Variants in PPP3CB observed in about 807,000 individuals in gnomAD.
PPP3CB encodes protein phosphatase 3 catalytic subunit beta, also known as serine/threonine-protein phosphatase 2B catalytic subunit beta isoform.
Under a neutral mutation model 66.4 loss-of-function variants are expected in PPP3CB, and 8 were observed. The ratio of observed to expected loss-of-function variants is 0.12; its 90% CI spans 0.07 to 0.22. PPP3CB has a LOEUF of 0.22. PPP3CB is among the 10% of genes least tolerant of loss of function. PPP3CB has a pLI of 1.00. For synonymous variants in PPP3CB, 208 were observed against 221.2 expected, an observed-to-expected ratio of 0.94 and a Z score of 0.53; for missense variants, 319 against 642.5, an observed-to-expected ratio of 0.50 and a Z score of 5.44.
At chr10:73,467,494 T>C (rs2056636362) in intron 9 of PPP3CB, 59 bp downstream of exon 9, 1 of 1,319,426 alleles carries the variant, frequency 7.6e-7, no homozygotes, top group Admixed American at 3.2e-5. Context: ...CCTATGATAG[T>C]AAACTGGAGT....
chr10:73,479,246 AG>A, intron 2 of PPP3CB, 70 bp downstream of exon 2: 1 of 1,334,800 alleles, frequency 7.5e-7, no homozygotes, highest in Non-Finnish European at 1.1e-6. Context: ...CATTGAAAAC[AG>A]TAAGTTGTAA....
intron 9 of PPP3CB, among the ~76,000 whole-genome samples, chr10:73,458,056 C>T (rs904701038): frequency 1.3e-5 from 2 of 152,164 alleles, no homozygotes; most frequent in Admixed American, 1.3e-4. Flanking sequence ...CACTAAAAGC[C>T]TTGACTTCAC....
intron 8 of PPP3CB, 35 bp from the exon 9 acceptor site, chr10:73,467,713 A>G (rs1354872151): frequency 8.8e-6 from 13 of 1,473,702 alleles, no homozygotes; most frequent in East Asian, 2.4e-5. Context: ...AACTTAATAG[A>G]TAAGTAACTA....
intron 9 of PPP3CB, among the ~76,000 whole-genome samples, chr10:73,465,451 C>T (rs1214491781): frequency 6.6e-6 from 1 of 152,060 alleles, no homozygotes; most frequent in African/African-American, 2.4e-5. Context: ...AATCTCAGTG[C>T]TTTACAAGCC....
chr10:73,490,732 C>T (rs1275573547), intron 1 of PPP3CB, among the ~76,000 whole-genome samples: 1 of 152,146 alleles, frequency 6.6e-6, no homozygotes, highest in African/African-American at 2.4e-5. Context: ...AGTGTTCCCT[C>T]TCCCTCTCCC....
chr10:73,474,626 G>C (rs2056759706), intron 4 of PPP3CB, among the ~76,000 whole-genome samples: 1 of 151,060 alleles, frequency 6.6e-6, no homozygotes, highest in African/African-American at 2.4e-5. Context: ...TTTTGGTGGA[G>C]ATGGGGTTTC....
At chr10:73,476,024 GTT>G (rs903948557) in intron 3 of PPP3CB, among the ~76,000 whole-genome samples, 4 of 137,492 alleles carry the variant, frequency 2.9e-5, no homozygotes, top group Non-Finnish European at 3.2e-5. Flanking sequence ...GCCCAGCTAA[GTT>G]TTTTTTTTTT....
intron 9 of PPP3CB, among the ~76,000 whole-genome samples, chr10:73,460,680 C>T (rs1354962009): frequency 1.3e-5 from 2 of 152,164 alleles, no homozygotes; most frequent in Non-Finnish European, 2.9e-5. Context: ...GGAAGCAGCC[C>T]ATCCCATCAT....
chr10:73,486,805 A>G (rs1369980945), intron 1 of PPP3CB, among the ~76,000 whole-genome samples: 1 of 152,162 alleles, frequency 6.6e-6, no homozygotes, highest in Non-Finnish European at 1.5e-5. Flanking sequence ...CTCTCCACTA[A>G]GGGAAAAAAA....
intron 12 of PPP3CB, chr10:73,443,887 T>C (rs1452338124): frequency 2.0e-5 from 3 of 152,264 alleles, no homozygotes; most frequent in Non-Finnish European, 4.4e-5. Flanking sequence ...CAACCCCTTA[T>C]AACAATGACT....
At chr10:73,479,618 A>T (rs543316535) in intron 1 of PPP3CB, 101 bp from the exon 2 acceptor site, 1 of 1,152,506 alleles carries the variant, frequency 8.7e-7, no homozygotes, top group African/African-American at 1.6e-5. Flanking sequence ...TAAAGCAGGG[A>T]TTTTTCTTTC....
intron 1 of PPP3CB, among the ~76,000 whole-genome samples, chr10:73,480,306 A>G (rs1193442036): frequency 2.6e-5 from 4 of 152,168 alleles, no homozygotes; most frequent in Admixed American, 6.5e-5. Context: ...TGCATTCCTT[A>G]TCATTGAAGT....
At chr10:73,452,571 C>G (rs1201931084) in intron 10 of PPP3CB, among the ~76,000 whole-genome samples, 1 of 151,896 alleles carries the variant, frequency 6.6e-6, no homozygotes, top group African/African-American at 2.4e-5. Flanking sequence ...TGGTGGGCAC[C>G]TGTAATCCCA....
intron 10 of PPP3CB, 75 bp from the exon 11 acceptor site, chr10:73,446,648 T>A: frequency 7.3e-7 from 1 of 1,373,970 alleles, no homozygotes. Flanking sequence ...TATTAGCCTG[T>A]TCCACACTCA....
At chr10:73,490,088 T>C (rs1017265966) in intron 1 of PPP3CB, among the ~76,000 whole-genome samples, 5 of 152,222 alleles carry the variant, frequency 3.3e-5, no homozygotes, top group African/African-American at 1.2e-4. Context: ...TTCACTTCTG[T>C]ATCATCAATG....
At chr10:73,488,263 G>A (rs1015117538) in intron 1 of PPP3CB, among the ~76,000 whole-genome samples, 1 of 152,084 alleles carries the variant, frequency 6.6e-6, no homozygotes, top group African/African-American at 2.4e-5. Flanking sequence ...GGCTGATCAT[G>A]GCTGGGCGTG....
intron 9 of PPP3CB, among the ~76,000 whole-genome samples, chr10:73,465,105 T>C (rs919123783): frequency 3.3e-5 from 5 of 152,182 alleles, no homozygotes; most frequent in African/African-American, 1.2e-4. Context: ...GATGGGGACA[T>C]AAATGATACA....
intron 10 of PPP3CB, among the ~76,000 whole-genome samples, chr10:73,449,232 C>T (rs1051714200): frequency 6.6e-6 from 1 of 152,174 alleles, no homozygotes; most frequent in Admixed American, 6.5e-5. Flanking sequence ...CACCCCCTCC[C>T]AACGAAGGAA....
In PPP3CB at chr10:73,437,065, C is replaced by G. The variant is rs902824717; in HGVS notation, c.*1177G>C. On this transcript the variant is annotated 3_prime_UTR_variant, in exon 14 of 14. Transcript: ENST00000360663. ...CAGGTCAATAATTGTGAAAAATTAG[C>G]ACATGGTTCCATTTAGTTTAACCAA... 1.3e-5 allele frequency: 2 copies of G among 152,628 alleles called. No individual in the cohort carries two copies. Among genetic ancestry groups the G allele is most frequent in the Non-Finnish European group, 2.9e-5 (2 of 68,036 alleles). 9.5% of individuals were successfully genotyped at this position (152,628 alleles called of 1,614,324 possible).
Sources: gnomAD v4.1 joint callset for allele counts (sites outside exome capture counted in the v4.1 genomes callset) on GRCh38, gnomAD v4.1.1 for gene constraint, MANE v1.5 for transcripts, NCBI Gene and HGNC (gene_info 2026-07-23, HGNC 2026-07-21) for gene names.